HOXA3: variants seen among roughly 807,000 people sequenced by gnomAD.
HOXA3 encodes homeobox protein Hox-A3.
A neutral mutation model predicts 30.3 loss-of-function variants in HOXA3; 8 were observed. The observed-to-expected ratio is 0.26, with a 90% CI of 0.15 to 0.48. HOXA3 has a LOEUF of 0.48. Ranked by LOEUF, HOXA3 falls within the 20% of genes least tolerant of loss-of-function variation. The pLI, the probability that HOXA3 is intolerant of heterozygous loss-of-function variation, is 0.99. For missense variants in HOXA3, 653 were observed against 614.4 expected, an observed-to-expected ratio of 1.06 and a Z score of -0.66; for synonymous variants, 323 against 273.1, an observed-to-expected ratio of 1.18 and a Z score of -1.80.
At chr7:27,141,942 C>T in intron 1 of HOXA3, 1 of 1,614,222 alleles carries the variant, frequency 6.2e-7, no homozygotes, top group Non-Finnish European at 8.5e-7. Flanking sequence ...ATTTGTCTCT[C>T]GGAGAGGCAA....
At chr7:27,148,111 C>T (rs1008299541) in intron 1 of HOXA3, among the ~76,000 whole-genome samples, 1 of 152,266 alleles carries the variant, frequency 6.6e-6, no homozygotes, top group African/African-American at 2.4e-5. Context: ...AATGCTTGGG[C>T]CGCCTCAAAG....
chr7:27,132,987 C>T (rs948735532), intron 2 of HOXA3, among the ~76,000 whole-genome samples: 30 of 152,256 alleles, frequency 2.0e-4, no homozygotes, highest in Non-Finnish European at 3.2e-4. Flanking sequence ...TAAGTATTAA[C>T]GAGACATAAA....
chr7:27,129,457 C>T (rs540464568), intron 2 of HOXA3: 4 of 1,614,152 alleles, frequency 2.5e-6, no homozygotes, highest in East Asian at 2.2e-5. Context: ...CTCGATGCGG[C>T]GCCGCCGGGT....
At position 27,108,436 on chromosome 7, in the gene HOXA3, G is replaced by T; in HGVS notation, c.811C>A (p.Pro271Thr). ...GAGTTCAGATAGCCACCGGCTCCGG[G>T]GGGCACGGGGCTGCGACTTGGAGAC... Reference protein sequence around the residue: ...GQSPSRSPVPPGAGGYLNSMH... With the variant: ...GQSPSRSPVPTGAGGYLNSMH... The change falls in exon 6 of 6, where the codon CCC becomes ACC. Residue 271 changes from proline (P) to threonine (T), a missense_variant. By Grantham distance (38) the Pro-to-Thr change is conservative. Transcript: ENST00000612286. This position sits in a 1 kb window ranked among gnomAD's most constrained non-coding sequence, Gnocchi z 5.0. The T allele has an allele frequency of 1.2e-6, 2 of 1,613,910 alleles. No individual in the cohort carries two copies. The highest frequency in any genetic ancestry group is 2.2e-5 in the South Asian group (2 of 91,086).
At chr7:27,146,108 T>C (rs1444382348) in intron 1 of HOXA3, among the ~76,000 whole-genome samples, 1 of 152,220 alleles carries the variant, frequency 6.6e-6, no homozygotes, top group African/African-American at 2.4e-5. Context: ...GTTTTCCACC[T>C]ATAACGACTT....
At chr7:27,130,419 G>C in intron 2 of HOXA3, 1 of 1,176,884 alleles carries the variant, frequency 8.5e-7, no homozygotes, top group Non-Finnish European at 1.0e-6. Flanking sequence ...TGGCGCCGCC[G>C]CGGTAGCCAT....
chr7:27,147,772 G>C, intron 1 of HOXA3: 8 of 1,584,736 alleles, frequency 5.0e-6, no homozygotes, highest in Non-Finnish European at 6.8e-6. Context: ...CTGCAGGACT[G>C]TGATTTGTTG....
At chr7:27,116,945 A>AT (rs1376234308) in intron 4 of HOXA3, among the ~76,000 whole-genome samples, 61 of 151,372 alleles carry the variant, frequency 4.0e-4, no homozygotes, top group South Asian at 1.3e-3. Context: ...GCCTGATTTG[A>AT]TTTTTTTTTC....
rs552523427 is a variant in HOXA3, at chr7:27,145,802, G to C, written c.-493-5616C>G. On this transcript the variant is annotated intron_variant, in intron 1 of 5. Transcript: ENST00000612286. The stretch of plus-strand genomic sequence containing the variant: ...TGAGGCAGAGCGCGTTGGCGATCTC[G>C]ATGCGGCGGCGCCGTGTCAGGTAGC... 13 of 1,614,140 alleles carry C rather than the reference G, an allele frequency of 8.1e-6. No homozygotes were observed. In the Admixed American group the frequency reaches 1.0e-4, roughly 12 times the overall value.
chr7:27,121,218 T>C (rs1273637630), intron 4 of HOXA3: 1 of 106,552 alleles, frequency 9.4e-6, no homozygotes, highest in African/African-American at 4.3e-5. Flanking sequence ...GCCCACTGTG[T>C]GCGTGTGTGT....
chr7:27,125,252 C>T (rs1362395889), intron 3 of HOXA3, among the ~76,000 whole-genome samples: 1 of 152,182 alleles, frequency 6.6e-6, no homozygotes, highest in Non-Finnish European at 1.5e-5. Context: ...GAGGATCATT[C>T]GGCTGCCTCA....
intron 2 of HOXA3, chr7:27,130,402 C>T: frequency 8.6e-7 from 1 of 1,165,426 alleles, no homozygotes; most frequent in Non-Finnish European, 1.1e-6. Context: ...GGGCGGCCGC[C>T]CGGGGCTGGC....
intron 2 of HOXA3, among the ~76,000 whole-genome samples, chr7:27,136,784 G>A (rs1785727830): frequency 6.6e-6 from 1 of 152,182 alleles, no homozygotes; most frequent in Non-Finnish European, 1.5e-5. Context: ...CCTGGTGGGA[G>A]AACAAATTTA....
chr7:27,110,743 T>G lies in HOXA3; in HGVS notation c.-103A>C, dbSNP rs1054601916. 4.8e-5 allele frequency: 74 copies of G among 1,552,228 alleles called. No individual in the cohort carries two copies. The highest frequency in any genetic ancestry group is 6.4e-5 in the Non-Finnish European group (73 of 1,141,390). ...CGGTCACGTGACACTCCGCCGCCAA[T>G]GGCCGCCCCGCGCAGACCTGGTGGG... On this transcript the variant is annotated 5_prime_UTR_variant, in exon 5 of 6. Transcript: ENST00000612286.
chr7:27,145,574 G>C (rs1782728353), intron 1 of HOXA3: 9 of 1,527,668 alleles, frequency 5.9e-6, no homozygotes, highest in Non-Finnish European at 7.9e-6. Context: ...GGGAGCAGGC[G>C]GGGAGAAAAG....
At chr7:27,147,339 G>A (rs780288237) in intron 1 of HOXA3, 5 of 1,614,110 alleles carry the variant, frequency 3.1e-6, no homozygotes, top group Non-Finnish European at 4.2e-6. Context: ...GCATCCAAGG[G>A]TAAACCGGGC....
Position 27,110,608 on chromosome 7 carries a change from C to G in HOXA3, c.33G>C (p.Ala11=). MQKATYYDSS[A]IYGGYPYQAA... ...CCTGGTAGGGGTAGCCACCGTAGATCGCCGAGCTGTCGTAGTAGGTCGCTT... is the reference window on the plus strand; with the variant it reads ...CCTGGTAGGGGTAGCCACCGTAGATGGCCGAGCTGTCGTAGTAGGTCGCTT... Residue 11 remains alanine (A), a synonymous_variant, in exon 5 of 6, where the codon GCG becomes GCC. Transcript: ENST00000612286. 1 of 1,607,150 alleles carries G rather than the reference C, an allele frequency of 6.2e-7. No individual in the cohort carries two copies.
rs375759096 is a variant in HOXA3, at chr7:27,119,157, CCA to C, written c.-121+3400_-121+3401del. Among the ~76,000 whole-genome samples, 161 of 118,666 alleles carry C rather than the reference CCA, an allele frequency of 1.4e-3. 1 individual carries two copies. Among genetic ancestry groups the C allele is most frequent in the Admixed American group, 3.8e-3 (43 of 11,248 alleles). The allele number at this position is 118,666 out of a possible 152,430, so 77.8% of individuals were successfully genotyped here. A position where few individuals can be genotyped will look rare whatever the true frequency, so the allele number is the denominator to read the frequency against. On this transcript the variant is annotated intron_variant, in intron 4 of 5. Coordinates refer to ENST00000612286, the MANE Select transcript of HOXA3 (RefSeq NM_153631.3). ...ATTGCTCTGCAAGAGACCCCCCCCC[CCA>C]AAAAAAATAAGAAAAAAAAGAAAAA... is the stretch of plus-strand genomic sequence containing the variant.
At chr7:27,129,644 G>C (rs1785434911) in intron 2 of HOXA3, 1 of 1,548,840 alleles carries the variant, frequency 6.5e-7, no homozygotes, top group African/African-American at 1.4e-5. Context: ...GGAGGAGAGA[G>C]AAGGTGGGGT....
Sources: allele counts gnomAD v4.1 joint callset (sites outside exome capture counted in the v4.1 genomes callset), GRCh38; gene constraint gnomAD v4.1.1; non-coding constraint Gnocchi (gnomAD v3.1); transcripts MANE v1.5; gene names NCBI Gene and HGNC (gene_info 2026-07-23, HGNC 2026-07-21).